The following DCC variants were observed in gnomAD, a reference collection of about 807,000 sequenced individuals.
The protein encoded by DCC is netrin receptor DCC.
A neutral mutation model predicts 172.5 loss-of-function variants in DCC; 58 were observed. The observed-to-expected ratio is 0.34, with a 90% CI of 0.27 to 0.42. The LOEUF is 0.42. DCC is among the 10% of genes least tolerant of loss of function. The probability of loss-of-function intolerance (pLI) is 1.00; values close to 1 mark genes in which losing one functional copy is unlikely to be tolerated. For missense variants in DCC, 1,740 were observed against 1,791.0 expected, an observed-to-expected ratio of 0.97 and a Z score of 0.51; for synonymous variants, 709 against 644.5, an observed-to-expected ratio of 1.10 and a Z score of -1.52.
intron 5 of DCC, among the ~76,000 whole-genome samples, chr18:53,050,615 C>T (rs574645755): frequency 6.6e-6 from 1 of 152,002 alleles, no homozygotes; most frequent in African/African-American, 2.4e-5. Context: ...GATTTTTGTA[C>T]ATTGATTTTG....
chr18:53,096,706 G>A (rs9947905), intron 7 of DCC, among the ~76,000 whole-genome samples: 104,914 of 151,960 alleles, frequency 0.69, 38,031 homozygotes, highest in African/African-American at 0.9. Flanking sequence ...ACTAGATACC[G>A]CTAGGGAGAG....
intron 1 of DCC, among the ~76,000 whole-genome samples, chr18:52,644,297 G>C (rs1310483421): frequency 6.6e-6 from 1 of 152,054 alleles, no homozygotes; most frequent in African/African-American, 2.4e-5. Flanking sequence ...AGTGTGTAGA[G>C]GCTGGGTGTG....
At chr18:53,452,522 T>G (rs377609634) in intron 23 of DCC, among the ~76,000 whole-genome samples, 1 of 152,184 alleles carries the variant, frequency 6.6e-6, no homozygotes, top group Non-Finnish European at 1.5e-5. Flanking sequence ...TTTGGTGCCA[T>G]GTTGAGAAAA....
chr18:53,331,898 T>G (rs1346912972), intron 14 of DCC, among the ~76,000 whole-genome samples: 1 of 152,184 alleles, frequency 6.6e-6, no homozygotes, highest in Non-Finnish European at 1.5e-5. Context: ...GAGGGTCTCT[T>G]CCCTAAAAAA....
intron 5 of DCC, among the ~76,000 whole-genome samples, chr18:52,954,920 T>G (rs1335958427): frequency 6.6e-6 from 1 of 152,136 alleles, no homozygotes; most frequent in African/African-American, 2.4e-5. Flanking sequence ...AGGTTTAGGT[T>G]CACAGCACAG....
Position 52,464,408 on chromosome 18 carries a change from G to A in DCC, c.91+123530G>A, listed in dbSNP as rs560172554. 5.3e-5 allele frequency among the ~76,000 whole-genome samples: 8 copies of A among 152,232 alleles called. No individual in the cohort carries two copies. In the East Asian group the frequency reaches 7.7e-4, roughly 15 times the overall value. ...ATTCAGATGTCAGCAGTAGATAAATGTTAACAGAATAGGTGTAACTAAGCT... is the reference window on the plus strand; with the variant it reads ...ATTCAGATGTCAGCAGTAGATAAATATTAACAGAATAGGTGTAACTAAGCT... On this transcript the variant is annotated intron_variant, in intron 1 of 28. Coordinates refer to ENST00000442544, the MANE Select transcript of DCC (RefSeq NM_005215.4).
At chr18:53,014,228 TG>T (rs1427868851) in intron 5 of DCC, among the ~76,000 whole-genome samples, 1 of 152,168 alleles carries the variant, frequency 6.6e-6, no homozygotes, top group Non-Finnish European at 1.5e-5. Flanking sequence ...GGTAAGCTAT[TG>T]TGATTTCTTA....
intron 2 of DCC, among the ~76,000 whole-genome samples, chr18:52,809,573 C>T (rs28676320): frequency 5.2e-4 from 79 of 152,202 alleles, no homozygotes; most frequent in African/African-American, 1.7e-3. Context: ...TGGCAATGGG[C>T]GACTTGCTGG....
chr18:53,364,788 G>A lies in DCC; in HGVS notation c.2360-21255G>A, dbSNP rs147889908. 4.3e-3 allele frequency among the ~76,000 whole-genome samples: 661 copies of A among 151,974 alleles called. 2 individuals carry two copies. The highest frequency in any genetic ancestry group is 0.015 in the African/African-American group (614 of 41,456). The stretch of plus-strand genomic sequence containing the variant: ...ATAAACTTGAAATTTATGAACATTA[G>A]ACATCATCTTGGGGCTTGTAAAGGT... On this transcript the variant is annotated intron_variant, in intron 15 of 28. Transcript: ENST00000442544.
At chr18:53,297,629 A>G (rs753197110) in intron 12 of DCC, among the ~76,000 whole-genome samples, 1 of 152,220 alleles carries the variant, frequency 6.6e-6, no homozygotes, top group East Asian at 1.9e-4. Context: ...ATGTTCCCGT[A>G]ACAGCAACAG....
chr18:52,340,402 G>T lies in DCC; in HGVS notation c.-386G>T. ...TAATGCACAGCCCGGCCACAGGATT[G>T]CCTTCCATCTCCTCTTGGTCCCTCC... is the stretch of plus-strand genomic sequence containing the variant. On this transcript the variant is annotated 5_prime_UTR_variant, in exon 1 of 29. Coordinates refer to ENST00000442544, the MANE Select transcript of DCC (RefSeq NM_005215.4). The T allele has an allele frequency of 7.0e-6, 2 of 285,210 alleles. No individual in the cohort carries two copies. The highest frequency in any genetic ancestry group is 1.4e-5 in the Non-Finnish European group (2 of 147,434). The allele number at this position is 285,210 out of a possible 1,614,324, so 17.7% of individuals were successfully genotyped here.
intron 13 of DCC, among the ~76,000 whole-genome samples, chr18:53,318,158 C>A (rs1355854815): frequency 6.6e-6 from 1 of 152,264 alleles, no homozygotes; most frequent in East Asian, 1.9e-4. Context: ...TTAGCTGGGT[C>A]CCAGAGATTG....
intron 2 of DCC, among the ~76,000 whole-genome samples, chr18:52,769,702 A>G (rs991609666): frequency 3.9e-5 from 6 of 152,064 alleles, no homozygotes; most frequent in Admixed American, 2.6e-4. Flanking sequence ...GTTTTCTTCT[A>G]GTTTTATAGT....
intron 12 of DCC, among the ~76,000 whole-genome samples, chr18:53,267,043 A>G (rs983499677): frequency 1.3e-5 from 2 of 151,902 alleles, no homozygotes; most frequent in African/African-American, 4.8e-5. Context: ...AGACAACTAG[A>G]TTAATTGCTG....
intron 9 of DCC, among the ~76,000 whole-genome samples, chr18:53,193,776 C>T (rs1598893487): frequency 1.3e-5 from 2 of 152,152 alleles, no homozygotes; most frequent in South Asian, 4.1e-4. Context: ...TTACTCAAGG[C>T]AGTTCCTTAT....
chr18:53,018,570 A>G lies in DCC; in HGVS notation c.986-44735A>G, dbSNP rs141646278. Among the ~76,000 whole-genome samples the G allele has an allele frequency of 7.6e-3, 1,161 of 152,276 alleles. 10 individuals are homozygous for G. The highest frequency in any genetic ancestry group is 0.013 in the Non-Finnish European group (859 of 68,000). ...TTTCTCAGGGATGATTTTTCTGTAC[A>G]TGTCCTTTCTCTATCAAAGCATGCA... On this transcript the variant is annotated intron_variant, in intron 5 of 28. Coordinates refer to ENST00000442544, the MANE Select transcript of DCC (RefSeq NM_005215.4).
rs147464696 is a variant in DCC, at chr18:53,067,110, A to C, written c.1261+944A>C. ...TTAGACATGAGAGTTTGGTGGGGAC[A>C]CAGATTCAGACCATATCAAAAGGAT... is the stretch of plus-strand genomic sequence containing the variant. On this transcript the variant is annotated intron_variant, in intron 7 of 28. Coordinates refer to ENST00000442544, the MANE Select transcript of DCC (RefSeq NM_005215.4). Among the ~76,000 whole-genome samples, 3 of 152,330 alleles carry C rather than the reference A, an allele frequency of 2.0e-5. No individual in the cohort carries two copies. The East Asian group carries it at 5.8e-4, about 29-fold the overall frequency.
At chr18:52,512,174 T>A (rs772151762) in intron 1 of DCC, among the ~76,000 whole-genome samples, 1 of 152,228 alleles carries the variant, frequency 6.6e-6, no homozygotes, top group Non-Finnish European at 1.5e-5. Flanking sequence ...GACTCACCGA[T>A]CCAACTATAA....
At chr18:53,515,879 G>A (rs2046327879) in intron 27 of DCC, among the ~76,000 whole-genome samples, 1 of 151,990 alleles carries the variant, frequency 6.6e-6, no homozygotes. Context: ...ACTGCCCAAG[G>A]TAATTTACAG....
Sources: gnomAD v4.1 joint callset for allele counts (sites outside exome capture counted in the v4.1 genomes callset) on GRCh38, gnomAD v4.1.1 for gene constraint, MANE v1.5 for transcripts, NCBI Gene and HGNC (gene_info 2026-07-23, HGNC 2026-07-21) for gene names.